Variants in PTPRS observed in about 807,000 individuals in gnomAD.
PTPRS encodes protein tyrosine phosphatase receptor type S.
In PTPRS, 63 loss-of-function variants were observed where a neutral mutation model predicts 215.3. That is an observed-to-expected ratio of 0.29 (90% CI 0.24 to 0.36). The LOEUF is 0.36. PTPRS is among the 10% of genes least tolerant of loss of function. The pLI is 1.00. For synonymous variants in PTPRS, 1,404 were observed against 1,191.4 expected (o/e 1.18, Z -3.68); for missense variants, 2,258 against 2,825.8 (o/e 0.80, Z 4.56).
At chr19:5,280,125 G>A (rs929822608) in intron 2 of PTPRS, among the ~76,000 whole-genome samples, 8 of 152,248 alleles carry the variant, frequency 5.3e-5, no homozygotes, top group African/African-American at 1.9e-4. Flanking sequence ...GCAACGCTAG[G>A]ACTTTGAGCC....
At chr19:5,252,323 TC>T (rs1238159376) in intron 9 of PTPRS, among the ~76,000 whole-genome samples, 1 of 152,106 alleles carries the variant, frequency 6.6e-6, no homozygotes, top group Non-Finnish European at 1.5e-5. Flanking sequence ...ACTCCTGCAA[TC>T]CCAGCACTTT....
At chr19:5,219,663 C>G (rs1343148757) in intron 22 of PTPRS, among the ~76,000 whole-genome samples, 196 bp from the exon 23 acceptor site, 2 of 152,242 alleles carry the variant, frequency 1.3e-5, no homozygotes, top group Non-Finnish European at 2.9e-5. Context: ...GCTCCAGCCA[C>G]TCTCCTTTCT....
At chr19:5,230,001 G>A (rs577056819) in intron 14 of PTPRS, among the ~76,000 whole-genome samples, 13 of 152,142 alleles carry the variant, frequency 8.5e-5, no homozygotes, top group Non-Finnish European at 1.3e-4. Context: ...TGCAAGATAG[G>A]GTCTCCTGTC....
At position 5,244,006 on chromosome 19, in the gene PTPRS, C is replaced by T; in HGVS notation, c.1465G>A (p.Gly489Ser). 6.6e-7 allele frequency: 1 copy of T among 1,525,342 alleles called. No homozygotes were observed. The highest frequency in any genetic ancestry group is 8.8e-7 in the Non-Finnish European group (1 of 1,135,870). The allele number at this position is 1,525,342 out of a possible 1,614,324, so 94.5% of individuals were successfully genotyped here. ...TAGGTCTCGTCCTCCAGCAGGCTGC[C>T]CACGGTGGTCAGCAGGCTGTCGTCC... Reference protein sequence around the residue: ...NVDDSLLTTVGSLLEDETYTV... With the variant: ...NVDDSLLTTVSSLLEDETYTV... Residue 489 changes from glycine (G) to serine (S), a missense_variant, in exon 11 of 38, where the codon GGC (glycine) becomes AGC (serine). Gly to Ser is a moderately conservative substitution (Grantham distance 56, BLOSUM62 0). This residue lies in a region of PTPRS where 508 missense variants were observed against 799.4 expected (regional missense o/e 0.64). Transcript: ENST00000262963. This position sits in a 1 kb window ranked among gnomAD's most constrained non-coding sequence, Gnocchi z 7.2.
Position 5,239,167 on chromosome 19 carries a change from G to C in PTPRS, c.1705-104C>G. ...GACAGAAACAGAGGGGGGAGGGGGA[G>C]AGAGAGAGAGAGAGAGAGAGACAGA... On this transcript the variant is annotated intron_variant, in intron 12 of 37. Transcript: ENST00000262963. 9 of 555,006 alleles carry C rather than the reference G, an allele frequency of 1.6e-5. No homozygotes were observed. In the East Asian group the frequency reaches 3.3e-4, roughly 20 times the overall value. The allele number at this position is 555,006 out of a possible 1,614,324, so 34.4% of individuals were successfully genotyped here.
rs981367538 is a variant in PTPRS at position 5,205,880 on chromosome 19, C to T, written c.*894G>A. On this transcript the variant is annotated 3_prime_UTR_variant, in exon 38 of 38. Transcript: ENST00000262963. Reference sequence around the variant, plus strand: ...CTCTTACAGCAGCGTCCCCCTCAACCGCACCCAACGCCACTGGGTCCGAGC... The same window carrying T: ...CTCTTACAGCAGCGTCCCCCTCAACTGCACCCAACGCCACTGGGTCCGAGC... Among the ~76,000 whole-genome samples, 7 of 151,956 alleles carry T rather than the reference C, an allele frequency of 4.6e-5. No individual in the cohort carries two copies. Among genetic ancestry groups the T allele is most frequent in the South Asian group, 4.2e-4 (2 of 4,818 alleles).
intron 2 of PTPRS, chr19:5,278,229 T>G: frequency 2.7e-6 from 1 of 372,368 alleles, no homozygotes; most frequent in Non-Finnish European, 5.1e-6. Context: ...AAGGATGCTT[T>G]TTTGTTTCAG....
At chr19:5,280,983 G>A (rs1297943992) in intron 2 of PTPRS, among the ~76,000 whole-genome samples, 1 of 151,584 alleles carries the variant, frequency 6.6e-6, no homozygotes, top group East Asian at 2.0e-4. Context: ...GTAGAGAGGG[G>A]GTTTCAGCAT....
At chr19:5,308,631 C>A (rs1426498918) in intron 1 of PTPRS, among the ~76,000 whole-genome samples, 1 of 152,152 alleles carries the variant, frequency 6.6e-6, no homozygotes, top group East Asian at 1.9e-4. Flanking sequence ...CCTCGGGGAA[C>A]CTGCAGACTC....
At chr19:5,300,733 A>G (rs555473291) in intron 1 of PTPRS, among the ~76,000 whole-genome samples, 50 of 144,200 alleles carry the variant, frequency 3.5e-4, no homozygotes, top group African/African-American at 1.2e-3. Context: ...GTGCCACTGC[A>G]CTCCAGCCTG....
chr19:5,296,255 A>G (rs2049131112), intron 1 of PTPRS, among the ~76,000 whole-genome samples: 2 of 152,186 alleles, frequency 1.3e-5, no homozygotes, highest in African/African-American at 4.8e-5. Context: ...GATTGGGTTC[A>G]GGGTTGTAGG....
In PTPRS at chr19:5,244,416, C is replaced by T; in HGVS notation, c.1055G>A (p.Trp352Ter). 1 of 1,614,186 alleles carries T rather than the reference C, an allele frequency of 6.2e-7. No homozygotes were observed. The highest frequency in any genetic ancestry group is 8.5e-7 in the Non-Finnish European group (1 of 1,180,026). Reference protein sequence around the residue: ...ENTATSITITWDSGNPDPVSY... With the variant: ...ENTATSITIT ...CACAGGATCTGGGTTGCCCGAGTCCCACGTGATGGTGATGCTGGTGGCTGT... is the reference window on the plus strand; with the variant it reads ...CACAGGATCTGGGTTGCCCGAGTCCTACGTGATGGTGATGCTGGTGGCTGT... Residue 352 changes from tryptophan to a stop codon, truncating the protein, a stop_gained, in exon 11 of 38, where the codon TGG (tryptophan) becomes TAG (stop). Transcript: ENST00000262963. LOFTEE classifies it high-confidence loss of function. This position sits in a 1 kb window ranked among gnomAD's most constrained non-coding sequence, Gnocchi z 7.2.
At chr19:5,231,265 G>A (rs771826587) in intron 14 of PTPRS, 45 bp downstream of exon 14, 67 of 1,549,132 alleles carry the variant, frequency 4.3e-5, no homozygotes, top group East Asian at 1.8e-4. Flanking sequence ...GGCGGGGGCC[G>A]GGCTGGGGCC....
chr19:5,281,083 C>G (rs1005613081), intron 2 of PTPRS, among the ~76,000 whole-genome samples: 1 of 151,968 alleles, frequency 6.6e-6, no homozygotes, highest in African/African-American at 2.4e-5. Context: ...TGAGGCGCCG[C>G]GCCTGGCCCC....
intron 9 of PTPRS, 37 bp from the exon 10 acceptor site, chr19:5,246,082 G>A (rs950416479): frequency 1.5e-6 from 2 of 1,357,500 alleles, no homozygotes; most frequent in African/African-American, 3.0e-5. Context: ...GGAGGGAGAT[G>A]CGAGGGGTGA....
rs1399887848 is a variant in PTPRS at position 5,212,296 on chromosome 19, G to A, written c.4769+41C>T. ...CGTTCAGGGGCTGCTGGGCTGCGGG[G>A]ACCGGGGGGAAGCGGATGGGGCAGA... On this transcript the variant is annotated intron_variant, in intron 31 of 37. Transcript: ENST00000262963. The A allele has an allele frequency of 2.5e-6, 4 of 1,609,678 alleles. No homozygotes were observed. The South Asian group carries it at 4.4e-5, about 18-fold the overall frequency.
Position 5,287,474 on chromosome 19 carries a change from C to G in PTPRS, c.-94-1240G>C, listed in dbSNP as rs1407703497. Among the ~76,000 whole-genome samples the G allele has an allele frequency of 6.6e-6, 1 of 152,206 alleles. No individual in the cohort carries two copies. The highest frequency in any genetic ancestry group is 2.4e-5 in the African/African-American group (1 of 41,450). ...GGCCCCCTCCCCATCTCCCCAATCTCCACTCTGTCCAGAGCCAGGTCAGAG... is the reference window on the plus strand; with the variant it reads ...GGCCCCCTCCCCATCTCCCCAATCTGCACTCTGTCCAGAGCCAGGTCAGAG... On this transcript the variant is annotated intron_variant, in intron 1 of 37. Transcript: ENST00000262963. This position sits in a 1 kb window ranked among gnomAD's most constrained non-coding sequence, Gnocchi z 4.8.
intron 17 of PTPRS, among the ~76,000 whole-genome samples, chr19:5,224,892 G>A (rs2145475690): frequency 6.6e-6 from 1 of 152,196 alleles, no homozygotes; most frequent in South Asian, 2.1e-4. Flanking sequence ...ACAGTGGTGT[G>A]GCTACAAGGG....
At chr19:5,209,577 A>G (rs2040674770) in intron 35 of PTPRS, among the ~76,000 whole-genome samples, 1 of 152,050 alleles carries the variant, frequency 6.6e-6, no homozygotes, top group Non-Finnish European at 1.5e-5. Flanking sequence ...ACCATTGACT[A>G]TTGTTTACTG....
Sources: allele counts gnomAD v4.1 joint callset (sites outside exome capture counted in the v4.1 genomes callset), GRCh38; gene constraint gnomAD v4.1.1; regional missense constraint gnomAD v4.1.1; non-coding constraint Gnocchi (gnomAD v3.1); transcripts MANE v1.5; gene names NCBI Gene and HGNC (gene_info 2026-07-23, HGNC 2026-07-21).